LRSAM1: variants seen among roughly 807,000 people sequenced by gnomAD.
The protein encoded by LRSAM1 is E3 ubiquitin-protein ligase LRSAM1.
In LRSAM1, 96 loss-of-function variants were observed where a neutral mutation model predicts 118.1. The observed-to-expected ratio is 0.81, with a 90% CI of 0.69 to 0.96. LRSAM1 has a LOEUF of 0.96. Among genes scored for constraint, LRSAM1 ranks in the 40% least tolerant of loss-of-function variants. LRSAM1 has a pLI of 0.00. For missense variants in LRSAM1, 804 were observed against 915.5 expected (o/e 0.88, Z 1.57); for synonymous variants, 322 against 364.2 (o/e 0.88, Z 1.32).
chr9:127,501,049 C>T lies in LRSAM1; in HGVS notation c.1952C>T (p.Ala651Val), dbSNP rs777233045. ...PPMGEVVTPT[A>V]PQEPPESVRP... ...ATGGGTGAGGTCGTCACCCCTACGG[C>T]CCCCCAGGAGCCTCCTGAGTCTGTG... is the stretch of plus-strand genomic sequence containing the variant. Residue 651 changes from alanine to valine, a missense_variant, in exon 25 of 26, where the codon GCC (alanine) becomes GTC (valine). Physicochemically the swap from Ala to Val is moderately conservative, Grantham distance 64. Transcript: ENST00000300417. 1.1e-5 allele frequency: 17 copies of T among 1,613,816 alleles called. No homozygotes were observed. The highest frequency in any genetic ancestry group is 1.4e-5 in the Non-Finnish European group (16 of 1,180,022).
Position 127,473,939 on chromosome 9 carries a change from A to G in LRSAM1, c.750+8A>G. 1 of 1,614,154 alleles carries G rather than the reference A, an allele frequency of 6.2e-7. No individual in the cohort carries two copies. Among genetic ancestry groups the G allele is most frequent in the Non-Finnish European group, 8.5e-7 (1 of 1,179,998 alleles). On this transcript the variant is annotated splice_region_variant and intron_variant, in intron 11 of 25. Coordinates refer to ENST00000300417, the MANE Select transcript of LRSAM1 (RefSeq NM_001005373.4). ...GAGGAGTTAGAGTGGCAGGTAAGAC[A>G]AGGCAGCCTGCTGCACGCATACATG... is the stretch of plus-strand genomic sequence containing the variant.
chr9:127,481,159 G>T lies in LRSAM1; in HGVS notation c.1044-24G>T, dbSNP rs755655852. 5.6e-6 allele frequency: 9 copies of T among 1,613,702 alleles called. No homozygotes were observed. In the African/African-American group the frequency reaches 9.3e-5, roughly 17 times the overall value. On this transcript the variant is annotated intron_variant, in intron 14 of 25. Transcript: ENST00000300417. ...AAACAGGCCTGCTGGTGACTGCCAG[G>T]ACCTTTTATGATTTTCTCCACAGAC...
intron 9 of LRSAM1, among the ~76,000 whole-genome samples, chr9:127,466,550 G>A (rs1279767418): frequency 8.9e-6 from 1 of 111,786 alleles, no homozygotes; most frequent in African/African-American, 3.6e-5. Context: ...ATGGGGTCTC[G>A]CTATGTTGCC....
intron 15 of LRSAM1, among the ~76,000 whole-genome samples, chr9:127,482,175 C>T (rs1835565339): frequency 7.4e-6 from 1 of 135,826 alleles, no homozygotes; most frequent in Non-Finnish European, 1.5e-5. Flanking sequence ...CGGAGTCTCA[C>T]TCTGTCACCC....
At chr9:127,459,923 A>G (rs746930955) in intron 7 of LRSAM1, among the ~76,000 whole-genome samples, 6 of 152,130 alleles carry the variant, frequency 3.9e-5, no homozygotes, top group Non-Finnish European at 5.9e-5. Context: ...CCTGACAATA[A>G]CTCATAGCAT....
chr9:127,476,530 CAG>C (rs762371077), intron 11 of LRSAM1, among the ~76,000 whole-genome samples: 20 of 151,906 alleles, frequency 1.3e-4, no homozygotes, highest in Non-Finnish European at 2.4e-4. Flanking sequence ...TCCTGAGTAA[CAG>C]AACTAGACCC....
intron 10 of LRSAM1, among the ~76,000 whole-genome samples, chr9:127,469,828 G>C (rs1297731516): frequency 6.6e-6 from 1 of 152,122 alleles, no homozygotes; most frequent in South Asian, 2.1e-4. Context: ...AGCAAGGCGT[G>C]GTGGCGGGCG....
rs753670711 is a variant in LRSAM1 at position 127,492,821 on chromosome 9, G to C, written c.1523G>C (p.Arg508Pro). The C allele has an allele frequency of 6.2e-7, 1 of 1,613,854 alleles. No homozygotes were observed. Among genetic ancestry groups the C allele is most frequent in the South Asian group, 1.1e-5 (1 of 91,058 alleles). ...TCGCAGGAGATGATCTCGGAGCAGC[G>C]CTGGGCCCTCAGCTCCCTGCTCCAG... The part of the protein sequence containing the change: ...ESLQEMISEQ[R>P]WALSSLLQQL... The change falls in exon 21 of 26, where the codon CGC (arginine) becomes CCC (proline). Residue 508 changes from arginine to proline, a missense_variant. Physicochemically the swap from Arg to Pro is moderately radical, Grantham distance 103. Coordinates refer to ENST00000300417, the MANE Select transcript of LRSAM1 (RefSeq NM_001005373.4).
intron 25 of LRSAM1, 116 bp from the exon 26 acceptor site, chr9:127,502,658 G>A: frequency 7.6e-7 from 1 of 1,315,948 alleles, no homozygotes; most frequent in Non-Finnish European, 1.0e-6. Context: ...CTGCACTCCA[G>A]CCTGGGCAAC....
chr9:127,468,387 C>A (rs1835037613), intron 10 of LRSAM1, among the ~76,000 whole-genome samples: 1 of 152,164 alleles, frequency 6.6e-6, no homozygotes, highest in Admixed American at 6.5e-5. Context: ...AGGAGAGATG[C>A]ACAGCAGAAG....
chr9:127,455,413 C>T (rs1834480556), intron 4 of LRSAM1, among the ~76,000 whole-genome samples, 163 bp from the exon 5 acceptor site: 1 of 152,252 alleles, frequency 6.6e-6, no homozygotes, highest in African/African-American at 2.4e-5. Flanking sequence ...ATCCCCAACA[C>T]CACTGCTTGC....
Position 127,473,925 on chromosome 9 carries a change from G to A in LRSAM1, c.744G>A (p.Glu248=), listed in dbSNP as rs762242062. The A allele has an allele frequency of 6.8e-6, 11 of 1,614,148 alleles. No individual in the cohort carries two copies. Among genetic ancestry groups the A allele is most frequent in the Admixed American group, 5.0e-5 (3 of 60,008 alleles). The change falls in exon 11 of 26, where the codon GAG becomes GAA. Residue 248 remains glutamate, a synonymous_variant. Coordinates refer to ENST00000300417, the MANE Select transcript of LRSAM1 (RefSeq NM_001005373.4). ...PTDRFSREEL[E]WQNRFSDYEK... is the part of the protein sequence containing the mutation. ...ACAGATTCTCAAGGGAGGAGTTAGA[G>A]TGGCAGGTAAGACAAGGCAGCCTGC... is the stretch of plus-strand genomic sequence containing the variant.
intron 16 of LRSAM1, among the ~76,000 whole-genome samples, chr9:127,485,355 A>G (rs1247935567): frequency 1.3e-5 from 2 of 152,020 alleles, no homozygotes; most frequent in Admixed American, 6.5e-5. Flanking sequence ...CAAGAGATCG[A>G]GACCATCCTG....
intron 11 of LRSAM1, among the ~76,000 whole-genome samples, chr9:127,475,653 G>T (rs144810034): frequency 2.0e-5 from 3 of 152,184 alleles, no homozygotes; most frequent in Non-Finnish European, 4.4e-5. Flanking sequence ...GGGAAAACAG[G>T]TGTCCTCATA....
At chr9:127,475,951 G>T (rs1202943760) in intron 11 of LRSAM1, among the ~76,000 whole-genome samples, 2 of 152,102 alleles carry the variant, frequency 1.3e-5, no homozygotes, top group Non-Finnish European at 2.9e-5. Flanking sequence ...TGTTGGCCAG[G>T]CTGGTCACGA....
intron 9 of LRSAM1, among the ~76,000 whole-genome samples, chr9:127,466,020 A>G (rs1407103491): frequency 1.3e-5 from 2 of 152,158 alleles, no homozygotes; most frequent in Non-Finnish European, 2.9e-5. Context: ...ATATTAAGAA[A>G]CATTTCTGCC....
intron 24 of LRSAM1, among the ~76,000 whole-genome samples, chr9:127,499,637 A>ATCTT (rs1464558724): frequency 6.6e-6 from 1 of 152,052 alleles, no homozygotes; most frequent in Non-Finnish European, 1.5e-5. Flanking sequence ...CCTTTAAAAA[A>ATCTT]TCTTTAGTTG....
At position 127,461,345 on chromosome 9, in the gene LRSAM1, C is replaced by T. The variant is rs1834737024; in HGVS notation, c.406+88C>T. 3 of 1,227,948 alleles carry T rather than the reference C, an allele frequency of 2.4e-6. No individual in the cohort carries two copies. The Admixed American group carries it at 5.3e-5, about 22-fold the overall frequency. The allele number at this position is 1,227,948 out of a possible 1,614,324, so 76.1% of individuals were successfully genotyped here. A position where few individuals can be genotyped will look rare whatever the true frequency, so the allele number is the denominator to read the frequency against. On this transcript the variant is annotated intron_variant, in intron 8 of 25. Transcript: ENST00000300417. ...TCCACAGGCTGCCCCGCCCGGGAGC[C>T]ATTGAGCAGGAGGGCAGCCAGTCTC...
At chr9:127,494,653 TCA>T (rs1208155489) in intron 21 of LRSAM1, among the ~76,000 whole-genome samples, 2 of 152,136 alleles carry the variant, frequency 1.3e-5, no homozygotes, top group African/African-American at 4.8e-5. Context: ...AATAAAAGAA[TCA>T]CATTCAGGCT....
Sources: allele counts gnomAD v4.1 joint callset (sites outside exome capture counted in the v4.1 genomes callset), GRCh38; gene constraint gnomAD v4.1.1; transcripts MANE v1.5; gene names NCBI Gene and HGNC (gene_info 2026-07-23, HGNC 2026-07-21).